The following DPP10 variants were observed in gnomAD, a reference collection of about 807,000 sequenced individuals.
The protein encoded by DPP10 is inactive dipeptidyl peptidase 10.
A neutral mutation model predicts 120.9 loss-of-function variants in DPP10; 33 were observed. The ratio of observed to expected loss-of-function variants is 0.27; its 90% CI spans 0.21 to 0.37. The LOEUF (loss-of-function observed/expected upper bound fraction) is 0.37. Among genes scored for constraint, DPP10 ranks in the 10% least tolerant of loss-of-function variants. The pLI, the probability that DPP10 is intolerant of heterozygous loss-of-function variation, is 1.00. For synonymous variants in DPP10, 337 were observed against 326.1 expected (o/e 1.03, Z -0.36); for missense variants, 816 against 942.8 (o/e 0.87, Z 1.76).
At chr2:114,713,068 C>A (rs958256677) in intron 1 of DPP10, among the ~76,000 whole-genome samples, 5 of 148,828 alleles carry the variant, frequency 3.4e-5, no homozygotes, top group African/African-American at 1.2e-4. Flanking sequence ...CTCACTGCAA[C>A]CTCTGCCTCC....
chr2:115,086,395 C>G (rs1370896327), intron 1 of DPP10, among the ~76,000 whole-genome samples: 1 of 152,148 alleles, frequency 6.6e-6, no homozygotes, highest in African/African-American at 2.4e-5. Flanking sequence ...AAGCCACCCC[C>G]CAACCCCTCC....
chr2:115,027,055 G>C (rs1050093759), intron 1 of DPP10, among the ~76,000 whole-genome samples: 1 of 152,102 alleles, frequency 6.6e-6, no homozygotes, highest in Non-Finnish European at 1.5e-5. Context: ...TGGTTAAACT[G>C]TTTCCTAGGT....
At chr2:114,626,242 T>C (rs1363453140) in intron 1 of DPP10, among the ~76,000 whole-genome samples, 1 of 151,998 alleles carries the variant, frequency 6.6e-6, no homozygotes, top group Non-Finnish European at 1.5e-5. Context: ...TTATGGTTTA[T>C]AGTTCCTGAA....
rs539506412 is a variant in DPP10 at position 114,486,558 on chromosome 2, AT to A, written c.60+43721del. On this transcript the variant is annotated intron_variant, in intron 1 of 25. Transcript: ENST00000410059. ...TCTTTATTATCACAAATAGCATTGGATATAAGGAGTGTGTATATTACTGTTT... is the reference window on the plus strand; with the variant it reads ...TCTTTATTATCACAAATAGCATTGGAATAAGGAGTGTGTATATTACTGTTT... Among the ~76,000 whole-genome samples, 381 of 152,220 alleles carry A rather than the reference AT, an allele frequency of 2.5e-3. 2 individuals are homozygous for A. The highest frequency in any genetic ancestry group is 8.5e-3 in the African/African-American group (355 of 41,572).
At position 115,047,015 on chromosome 2, in the gene DPP10, A is replaced by G. The variant is rs186095872; in HGVS notation, c.61-262224A>G. ...ACCTTACTCTCATTCAATTCAGCTC[A>G]TGGTCAGATACCACAATTGAAGTAG... On this transcript the variant is annotated intron_variant, in intron 1 of 25. Coordinates refer to ENST00000410059, the MANE Select transcript of DPP10 (RefSeq NM_020868.6). 1.7e-3 allele frequency among the ~76,000 whole-genome samples: 256 copies of G among 152,116 alleles called. 1 individual carries two copies. Among genetic ancestry groups the G allele is most frequent in the Non-Finnish European group, 2.8e-3 (190 of 67,922 alleles).
chr2:115,588,185 T>A (rs938899563), intron 5 of DPP10, among the ~76,000 whole-genome samples: 4 of 152,208 alleles, frequency 2.6e-5, no homozygotes, highest in Non-Finnish European at 4.4e-5. Flanking sequence ...ACCCATTGGG[T>A]ATTTGTTGTG....
rs529518844 is a variant in DPP10 at position 114,962,641 on chromosome 2, C to T, written c.61-346598C>T. On this transcript the variant is annotated intron_variant, in intron 1 of 25. Transcript: ENST00000410059. ...CAATACTTTGGGTTACGATGTCTGC[C>T]CTTTGAGAGAAAGAGAATTTAAAGT... is the stretch of plus-strand genomic sequence containing the variant. Among the ~76,000 whole-genome samples, 28 of 152,200 alleles carry T rather than the reference C, an allele frequency of 1.8e-4. No individual in the cohort carries two copies. The East Asian group carries it at 5.4e-3, about 29-fold the overall frequency.
At chr2:114,537,198 A>T (rs1414403995) in intron 1 of DPP10, among the ~76,000 whole-genome samples, 1 of 152,134 alleles carries the variant, frequency 6.6e-6, no homozygotes, top group Non-Finnish European at 1.5e-5. Context: ...CCAGCCAATG[A>T]GCTCAGGGAT....
In DPP10 at chr2:115,475,000, A is replaced by C. The variant is rs79266288; in HGVS notation, c.272-24510A>C. Among the ~76,000 whole-genome samples, 261 of 151,158 alleles carry C rather than the reference A, an allele frequency of 1.7e-3. 10 individuals are homozygous for C. The East Asian group carries it at 0.048, about 28-fold the overall frequency. ...CACTCTGCTCCAGCTCCAGCCAGAA[A>C]ATTTGCAGCCTAGTCATTTGGTAGA... On this transcript the variant is annotated intron_variant, in intron 3 of 25. Coordinates refer to ENST00000410059, the MANE Select transcript of DPP10 (RefSeq NM_020868.6).
At chr2:114,795,826 C>T (rs1283038947) in intron 1 of DPP10, among the ~76,000 whole-genome samples, 8 of 152,010 alleles carry the variant, frequency 5.3e-5, no homozygotes, top group Non-Finnish European at 1.0e-4. Flanking sequence ...AAAATATACA[C>T]GAATCTATTA....
intron 1 of DPP10, among the ~76,000 whole-genome samples, chr2:114,591,216 C>G (rs755450290): frequency 8.5e-5 from 13 of 152,188 alleles, no homozygotes; most frequent in Non-Finnish European, 1.8e-4. Flanking sequence ...CCTTCTAGGT[C>G]AAACTGAGGT....
At chr2:114,718,462 C>T (rs1234806597) in intron 1 of DPP10, among the ~76,000 whole-genome samples, 1 of 150,912 alleles carries the variant, frequency 6.6e-6, no homozygotes, top group Non-Finnish European at 1.5e-5. Context: ...CTTTCAGTCC[C>T]TAGTAGTCAC....
intron 8 of DPP10, among the ~76,000 whole-genome samples, chr2:115,738,699 A>G (rs1299033485): frequency 6.6e-6 from 1 of 152,082 alleles, no homozygotes; most frequent in Non-Finnish European, 1.5e-5. Flanking sequence ...TTCCCACTTG[A>G]GAAGGTGATA....
At chr2:114,658,011 T>C (rs1697091111) in intron 1 of DPP10, among the ~76,000 whole-genome samples, 1 of 152,168 alleles carries the variant, frequency 6.6e-6, no homozygotes, top group East Asian at 1.9e-4. Context: ...TAAAGTGTTG[T>C]GTGATTTAAA....
At chr2:115,784,610 C>T (rs11677532) in intron 17 of DPP10, among the ~76,000 whole-genome samples, 65,639 of 151,938 alleles carry the variant, frequency 0.43, 16,988 homozygotes, top group East Asian at 0.67. Context: ...CTCAGCTCAC[C>T]GCAACCTCCA....
At chr2:115,015,061 C>G (rs1339165486) in intron 1 of DPP10, among the ~76,000 whole-genome samples, 1 of 152,048 alleles carries the variant, frequency 6.6e-6, no homozygotes, top group Non-Finnish European at 1.5e-5. Context: ...AAGAAAATTT[C>G]AGGCCAATAT....
At chr2:115,657,283 G>C (rs1317740630) in intron 5 of DPP10, among the ~76,000 whole-genome samples, 2 of 151,600 alleles carry the variant, frequency 1.3e-5, no homozygotes, top group South Asian at 2.1e-4. Context: ...ATTAACAGCT[G>C]GTGATAACAA....
At chr2:114,560,552 G>T (rs1688687294) in intron 1 of DPP10, among the ~76,000 whole-genome samples, 1 of 152,138 alleles carries the variant, frequency 6.6e-6, no homozygotes, top group African/African-American at 2.4e-5. Context: ...TAGCCACACA[G>T]GCTTGGCACT....
chr2:114,773,608 C>T (rs756120932), intron 1 of DPP10, among the ~76,000 whole-genome samples: 6 of 152,144 alleles, frequency 3.9e-5, no homozygotes, highest in Non-Finnish European at 5.9e-5. Context: ...AAATTAATGT[C>T]CTTTACATTG....
Sources: allele counts gnomAD v4.1 joint callset (sites outside exome capture counted in the v4.1 genomes callset), GRCh38; gene constraint gnomAD v4.1.1; transcripts MANE v1.5; gene names NCBI Gene and HGNC (gene_info 2026-07-23, HGNC 2026-07-21).